The following CADM2 variants were observed in gnomAD, a reference collection of about 807,000 sequenced individuals.
CADM2 encodes the protein immunoglobulin superfamily member 4D.
In CADM2, 12 loss-of-function variants were observed where a neutral mutation model predicts 49.8. That is an observed-to-expected ratio of 0.24 (90% CI 0.15 to 0.39). The LOEUF is 0.39. Among genes scored for constraint, CADM2 ranks in the 10% least tolerant of loss-of-function variants. CADM2 has a pLI of 1.00. For missense variants in CADM2, 378 were observed against 492.3 expected (o/e 0.77, Z 2.20); for synonymous variants, 214 against 175.4 (o/e 1.22, Z -1.74).
chr3:85,190,036 C>T (rs1005629452), intron 1 of CADM2, among the ~76,000 whole-genome samples: 2 of 150,274 alleles, frequency 1.3e-5, no homozygotes, highest in East Asian at 3.9e-4. Context: ...GTGAGACAGA[C>T]ACCCAGTGAG....
At chr3:84,997,657 G>A (rs545099427) in intron 1 of CADM2, among the ~76,000 whole-genome samples, 1 of 151,616 alleles carries the variant, frequency 6.6e-6, no homozygotes, top group African/African-American at 2.4e-5. Flanking sequence ...ATTAATTTGT[G>A]TAAGTAGTTG....
At chr3:85,153,360 A>G (rs987610777) in intron 1 of CADM2, among the ~76,000 whole-genome samples, 9 of 152,202 alleles carry the variant, frequency 5.9e-5, no homozygotes, top group African/African-American at 2.2e-4. Context: ...TGCCACCCGA[A>G]TACTGCACTT....
At chr3:85,237,221 A>G (rs2042427898) in intron 1 of CADM2, among the ~76,000 whole-genome samples, 1 of 151,996 alleles carries the variant, frequency 6.6e-6, no homozygotes. Context: ...AGAATAAGGG[A>G]AATGAAGGAT....
chr3:85,161,816 G>C (rs1297907881), intron 1 of CADM2, among the ~76,000 whole-genome samples: 1 of 152,036 alleles, frequency 6.6e-6, no homozygotes, highest in East Asian at 1.9e-4. Flanking sequence ...TCAGGAGTTT[G>C]ATACTAGTCT....
chr3:85,534,278 A>G (rs1307440440), intron 1 of CADM2, among the ~76,000 whole-genome samples: 2 of 152,200 alleles, frequency 1.3e-5, no homozygotes, highest in Non-Finnish European at 2.9e-5. Context: ...AGTACTGTTC[A>G]GTAAAGTAGC....
At chr3:85,359,693 A>G (rs1356658437) in intron 1 of CADM2, among the ~76,000 whole-genome samples, 1 of 49,480 alleles carries the variant, frequency 2.0e-5, no homozygotes, top group Non-Finnish European at 4.4e-5. Context: ...AGGGGAGAAG[A>G]CAAAGAAAAG....
At chr3:85,553,583 C>T (rs2061872771) in intron 1 of CADM2, among the ~76,000 whole-genome samples, 1 of 152,160 alleles carries the variant, frequency 6.6e-6, no homozygotes. Context: ...ATTATAATAT[C>T]TTCCTACAGA....
intron 1 of CADM2, among the ~76,000 whole-genome samples, chr3:85,457,315 AG>A (rs563976929): frequency 3.5e-4 from 54 of 152,134 alleles, no homozygotes; most frequent in African/African-American, 1.2e-3. Flanking sequence ...CAGGAGCCTA[AG>A]GCAGGAAGGT....
chr3:85,879,073 A>G (rs1284420855), intron 3 of CADM2, among the ~76,000 whole-genome samples: 1 of 150,464 alleles, frequency 6.6e-6, no homozygotes, highest in Non-Finnish European at 1.5e-5. Flanking sequence ...TTATATATAA[A>G]TACATATATT....
At chr3:85,728,482 G>T (rs1265366794) in intron 2 of CADM2, among the ~76,000 whole-genome samples, 2 of 151,826 alleles carry the variant, frequency 1.3e-5, no homozygotes, top group African/African-American at 2.4e-5. Flanking sequence ...ATAATAGAAA[G>T]AATTACTCAG....
At chr3:85,850,288 GCT>G (rs1016155704) in intron 3 of CADM2, among the ~76,000 whole-genome samples, 9 of 146,254 alleles carry the variant, frequency 6.2e-5, no homozygotes, top group Non-Finnish European at 6.0e-5. Flanking sequence ...CTACCTAACT[GCT>G]CTCTGTTCTG....
At chr3:85,421,601 A>G (rs2036175513) in intron 1 of CADM2, among the ~76,000 whole-genome samples, 1 of 152,172 alleles carries the variant, frequency 6.6e-6, no homozygotes, top group Non-Finnish European at 1.5e-5. Context: ...CCTACACCTC[A>G]TGGTCCTGAA....
At chr3:85,122,059 A>G (rs2038883761) in intron 1 of CADM2, among the ~76,000 whole-genome samples, 1 of 151,812 alleles carries the variant, frequency 6.6e-6, no homozygotes, top group Admixed American at 6.6e-5. Flanking sequence ...TACTCCATCA[A>G]TATATCCTCT....
intron 8 of CADM2, among the ~76,000 whole-genome samples, chr3:86,063,530 A>G (rs910424991): frequency 1.3e-5 from 2 of 152,212 alleles, no homozygotes; most frequent in African/African-American, 2.4e-5. Flanking sequence ...GTCATAGTCC[A>G]TGACATATTT....
intron 1 of CADM2, among the ~76,000 whole-genome samples, chr3:85,198,297 T>C (rs900238157): frequency 1.3e-5 from 2 of 151,866 alleles, no homozygotes; most frequent in African/African-American, 2.4e-5. Flanking sequence ...TAATTATTCA[T>C]ATATAATTTT....
intron 1 of CADM2, among the ~76,000 whole-genome samples, chr3:85,373,526 G>A (rs1238692642): frequency 6.6e-6 from 1 of 152,046 alleles, no homozygotes; most frequent in Non-Finnish European, 1.5e-5. Context: ...TTCTGGGGTG[G>A]CCCTCTTCTC....
Position 85,623,928 on chromosome 3 carries a change from G to A in CADM2, c.62-102594G>A, listed in dbSNP as rs574515343. On this transcript the variant is annotated intron_variant, in intron 1 of 9. Coordinates refer to ENST00000383699, the MANE Select transcript of CADM2 (RefSeq NM_001167675.2). The stretch of plus-strand genomic sequence containing the variant: ...TAGAAATCTCTATGAGAAAAAAAAT[G>A]TTAAGGATATTGCTTTATTTTGATA... 8.6e-4 allele frequency among the ~76,000 whole-genome samples: 131 copies of A among 152,166 alleles called. 3 individuals carry two copies. Among genetic ancestry groups the A allele is most frequent in the Non-Finnish European group, 1.5e-3 (104 of 67,986 alleles).
chr3:85,430,225 C>A (rs539218441), intron 1 of CADM2, among the ~76,000 whole-genome samples: 1 of 152,224 alleles, frequency 6.6e-6, no homozygotes, highest in Non-Finnish European at 1.5e-5. Context: ...GGTACAGATC[C>A]TTTTATAGCT....
intron 1 of CADM2, among the ~76,000 whole-genome samples, chr3:85,285,223 A>G (rs1306433719): frequency 3.9e-5 from 6 of 152,110 alleles, no homozygotes; most frequent in Non-Finnish European, 8.8e-5. Flanking sequence ...TATTGGATAT[A>G]TGAGTCTGGA....
Sources: allele counts gnomAD v4.1 joint callset (sites outside exome capture counted in the v4.1 genomes callset), GRCh38; gene constraint gnomAD v4.1.1; transcripts MANE v1.5; gene names NCBI Gene and HGNC (gene_info 2026-07-23, HGNC 2026-07-21).